Variants in RUNX2 observed in about 807,000 individuals in gnomAD.
RUNX2 encodes the protein RUNX family transcription factor 2, also known as runt-related transcription factor 2.
In RUNX2, 10 loss-of-function variants were observed where a neutral mutation model predicts 51.7. The ratio of observed to expected loss-of-function variants is 0.19; its 90% confidence interval spans 0.12 to 0.33. The LOEUF is 0.33. RUNX2 is among the 10% of genes least tolerant of loss of function. The pLI is 1.00. For synonymous variants in RUNX2, 276 were observed against 273.6 expected (o/e 1.01, Z -0.09); for missense variants, 562 against 691.3 (o/e 0.81, Z 2.10).
At chr6:45,394,298 C>T (rs1385818117) in intron 2 of RUNX2, among the ~76,000 whole-genome samples, 1 of 152,084 alleles carries the variant, frequency 6.6e-6, no homozygotes, top group Admixed American at 6.5e-5. Flanking sequence ...GAGGGATCCG[C>T]CCCCATGACC....
intron 7 of RUNX2, among the ~76,000 whole-genome samples, chr6:45,528,830 G>A (rs1476144822): frequency 1.3e-5 from 2 of 152,218 alleles, no homozygotes; most frequent in African/African-American, 2.4e-5. Context: ...TGAGAAACCA[G>A]CACTTGTCCT....
rs76131903 is a variant in RUNX2, at chr6:45,394,257, A to G, written c.59-28336A>G. On this transcript the variant is annotated intron_variant, in intron 2 of 8. Coordinates refer to ENST00000647337, the MANE Select transcript of RUNX2 (RefSeq NM_001024630.4). ...ATGAACTCAGAGTGAGAACTTACTC[A>G]TTGTCATGAGGAAAGCACCAAGCCA... Among the ~76,000 whole-genome samples, 27 of 152,160 alleles carry G rather than the reference A, an allele frequency of 1.8e-4. No homozygotes were observed. In the East Asian group the frequency reaches 5.2e-3, roughly 29 times the overall value.
chr6:45,508,513 C>T (rs1305857036), intron 6 of RUNX2, among the ~76,000 whole-genome samples: 1 of 152,110 alleles, frequency 6.6e-6, no homozygotes, highest in Non-Finnish European at 1.5e-5. Flanking sequence ...CAGGTGTGAG[C>T]CACTGCTCCC....
chr6:45,452,569 A>G (rs1275031994), intron 5 of RUNX2, among the ~76,000 whole-genome samples: 1 of 152,144 alleles, frequency 6.6e-6, no homozygotes, highest in Non-Finnish European at 1.5e-5. Flanking sequence ...CAACTTTTGT[A>G]ATAATTAATT....
At chr6:45,375,826 TA>T (rs552598332) in intron 2 of RUNX2, among the ~76,000 whole-genome samples, 2,103 of 145,046 alleles carry the variant, frequency 0.014, 22 homozygotes, top group South Asian at 0.032. Context: ...ACACTTGCTT[TA>T]AAAAAAAAAA....
chr6:45,458,965 A>G (rs1799397444), intron 5 of RUNX2, among the ~76,000 whole-genome samples: 1 of 152,240 alleles, frequency 6.6e-6, no homozygotes, highest in African/African-American at 2.4e-5. Flanking sequence ...AAAACCTGAC[A>G]GTAACCTGAA....
chr6:45,540,836 T>A (rs184369598), intron 7 of RUNX2, among the ~76,000 whole-genome samples: 12 of 152,080 alleles, frequency 7.9e-5, no homozygotes, highest in Admixed American at 7.9e-4. Flanking sequence ...GCAGGACAGG[T>A]GCTGGGAGTG....
At chr6:45,484,678 A>G (rs1800215145) in intron 5 of RUNX2, among the ~76,000 whole-genome samples, 1 of 152,130 alleles carries the variant, frequency 6.6e-6, no homozygotes, top group African/African-American at 2.4e-5. Context: ...GAAACCATCG[A>G]CTGAACTCCC....
intron 5 of RUNX2, among the ~76,000 whole-genome samples, chr6:45,442,769 T>G (rs1307733622): frequency 6.6e-6 from 1 of 152,168 alleles, no homozygotes; most frequent in Non-Finnish European, 1.5e-5. Context: ...TTGGGGTCTA[T>G]CATGTAGCTG....
intron 2 of RUNX2, among the ~76,000 whole-genome samples, chr6:45,357,423 T>TA (rs1180475786): frequency 3.3e-5 from 5 of 151,268 alleles, no homozygotes; most frequent in African/African-American, 1.2e-4. Context: ...CGTAACCTCC[T>TA]AGGTGCAAGT....
chr6:45,409,794 A>G (rs1392885181), intron 2 of RUNX2, among the ~76,000 whole-genome samples: 1 of 152,236 alleles, frequency 6.6e-6, no homozygotes, highest in African/African-American at 2.4e-5. Flanking sequence ...ATTGATTGAC[A>G]CTTATTTCAC....
intron 2 of RUNX2, among the ~76,000 whole-genome samples, chr6:45,376,150 T>C (rs539681051): frequency 3.1e-4 from 47 of 152,358 alleles, no homozygotes; most frequent in African/African-American, 1.0e-3. Context: ...AATCTGGCAT[T>C]AGCTGTACAA....
chr6:45,512,238 T>C lies in RUNX2; in HGVS notation c.860-8T>C, dbSNP rs1801177445. On this transcript the variant is annotated splice_polypyrimidine_tract_variant and splice_region_variant and intron_variant, in intron 6 of 8. Transcript: ENST00000647337. Reference sequence around the variant, plus strand: ...TATACTAAAGATTTTTCTTTTTCTTTTTCCCAGACCCCAGGCAGGCACAGT... The same window carrying C: ...TATACTAAAGATTTTTCTTTTTCTTCTTCCCAGACCCCAGGCAGGCACAGT... The C allele has an allele frequency of 6.2e-7, 1 of 1,613,414 alleles. No homozygotes were observed. Among genetic ancestry groups the C allele is most frequent in the Non-Finnish European group, 8.5e-7 (1 of 1,179,988 alleles).
intron 4 of RUNX2, among the ~76,000 whole-genome samples, chr6:45,435,647 C>A (rs966214055): frequency 1.3e-5 from 2 of 152,138 alleles, no homozygotes; most frequent in Non-Finnish European, 2.9e-5. Flanking sequence ...CGTGAGCCAC[C>A]GCGCCCAGCC....
rs1270130538 is a variant in RUNX2 at position 45,365,827 on chromosome 6, T to C, written c.58+37043T>C. On this transcript the variant is annotated intron_variant, in intron 2 of 8. Transcript: ENST00000647337. ...GAAAACTACAGCATAATCTAAATCC[T>C]ATTTGAACAAAAGCCTAAAATACAA... 2.0e-5 allele frequency among the ~76,000 whole-genome samples: 3 copies of C among 151,792 alleles called. No homozygotes were observed. The East Asian group carries it at 5.8e-4, about 29-fold the overall frequency.
intron 2 of RUNX2, among the ~76,000 whole-genome samples, chr6:45,347,776 A>G (rs1357972218): frequency 2.7e-5 from 4 of 150,366 alleles, no homozygotes; most frequent in Middle Eastern, 3.4e-3. Flanking sequence ...TAAAAAAAAA[A>G]GACGTATATT....
chr6:45,527,161 G>A (rs895637198), intron 7 of RUNX2, among the ~76,000 whole-genome samples: 10 of 152,168 alleles, frequency 6.6e-5, no homozygotes, highest in African/African-American at 2.4e-4. Flanking sequence ...AGGGCCCAGA[G>A]GTGGGAAGAC....
chr6:45,392,618 TG>T (rs564009348), intron 2 of RUNX2, among the ~76,000 whole-genome samples: 13 of 152,094 alleles, frequency 8.5e-5, no homozygotes, highest in Non-Finnish European at 1.6e-4. Context: ...AGACTTTGGG[TG>T]GGGAGGGTCA....
chr6:45,543,597 T>A (rs921614722), intron 7 of RUNX2, among the ~76,000 whole-genome samples: 1 of 152,216 alleles, frequency 6.6e-6, no homozygotes, highest in Non-Finnish European at 1.5e-5. Context: ...TAGGCCTTCA[T>A]AATATGGACT....
Sources: gnomAD v4.1 joint callset for allele counts (sites outside exome capture counted in the v4.1 genomes callset) on GRCh38, gnomAD v4.1.1 for gene constraint, MANE v1.5 for transcripts, NCBI Gene and HGNC (gene_info 2026-07-23, HGNC 2026-07-21) for gene names.